The following ARRB1 variants were observed in gnomAD, a reference collection of about 807,000 sequenced individuals.
The protein encoded by ARRB1 is beta-arrestin-1.
A neutral mutation model predicts 56.8 loss-of-function variants in ARRB1; 21 were observed. The ratio of observed to expected loss-of-function variants is 0.37; its 90% CI spans 0.26 to 0.53. The LOEUF is 0.53. Ranked by LOEUF, ARRB1 falls within the 20% of genes least tolerant of loss-of-function variation. The probability of loss-of-function intolerance (pLI) is 0.88; values close to 1 mark genes in which losing one functional copy is unlikely to be tolerated. For synonymous variants in ARRB1, 210 were observed against 218.6 expected, an observed-to-expected ratio of 0.96 and a Z score of 0.35; for missense variants, 424 against 553.7, an observed-to-expected ratio of 0.77 and a Z score of 2.35.
intron 3 of ARRB1, among the ~76,000 whole-genome samples, chr11:75,285,479 A>G (rs532776189): frequency 1.3e-5 from 2 of 151,702 alleles, no homozygotes; most frequent in Non-Finnish European, 2.9e-5. Context: ...ACCCATTGTC[A>G]CTTCACTGCT....
At chr11:75,350,230 TG>T (rs1207946829) in intron 1 of ARRB1, among the ~76,000 whole-genome samples, 3 of 152,142 alleles carry the variant, frequency 2.0e-5, no homozygotes, top group Non-Finnish European at 4.4e-5. Context: ...CCCTGAAAGG[TG>T]GTGCCCACCG....
At chr11:75,306,030 G>A (rs975560316) in intron 1 of ARRB1, among the ~76,000 whole-genome samples, 4 of 151,710 alleles carry the variant, frequency 2.6e-5, no homozygotes, top group African/African-American at 9.7e-5. Flanking sequence ...ACCCTTCCCC[G>A]CACACCCCGA....
chr11:75,275,185 C>T (rs1341593784), intron 10 of ARRB1, among the ~76,000 whole-genome samples: 1 of 121,052 alleles, frequency 8.3e-6, no homozygotes, highest in East Asian at 2.2e-4. Context: ...CTTGCTCTGT[C>T]GCCCAGGCTA....
intron 1 of ARRB1, among the ~76,000 whole-genome samples, chr11:75,316,780 AT>A (rs1947272927): frequency 6.6e-6 from 1 of 152,068 alleles, no homozygotes; most frequent in Admixed American, 6.5e-5. Flanking sequence ...ATTAAAAAAA[AT>A]AATAGGCCAG....
chr11:75,312,159 C>T (rs1354992869), intron 1 of ARRB1: 30 of 1,288,668 alleles, frequency 2.3e-5, no homozygotes, highest in East Asian at 1.1e-4. Flanking sequence ...CCTCCACCCT[C>T]GCCCTCCCCG....
chr11:75,283,610 T>G, intron 4 of ARRB1, 127 bp from the exon 5 acceptor site: 2 of 883,398 alleles, frequency 2.3e-6, no homozygotes, highest in Non-Finnish European at 3.3e-6. Flanking sequence ...TCTGTGGGGA[T>G]GGCTGCACTG....
At chr11:75,309,981 G>A (rs1444306688) in intron 1 of ARRB1, among the ~76,000 whole-genome samples, 1 of 152,102 alleles carries the variant, frequency 6.6e-6, no homozygotes, top group African/African-American at 2.4e-5. Context: ...GCTTCAGGAG[G>A]GGTAGTAAGA....
At position 75,351,497 on chromosome 11, in the gene ARRB1, C is replaced by T; in HGVS notation, c.20+91G>A. 6 of 1,484,266 alleles carry T rather than the reference C, an allele frequency of 4.0e-6. No homozygotes were observed. In the South Asian group the frequency reaches 6.3e-5, roughly 15 times the overall value. The allele number at this position is 1,484,266 out of a possible 1,614,324, so 91.9% of individuals were successfully genotyped here. On this transcript the variant is annotated intron_variant, in intron 1 of 15. Transcript: ENST00000420843. ...TACTAGATCCCGCGGTGGCCGCGAA[C>T]GCAGAACCAGGACGCAATCGGAGCC...
At chr11:75,305,884 C>T (rs1947016700) in intron 1 of ARRB1, among the ~76,000 whole-genome samples, 2 of 152,134 alleles carry the variant, frequency 1.3e-5, no homozygotes, top group African/African-American at 4.8e-5. Flanking sequence ...AACATGCACC[C>T]CACAGTAGCC....
chr11:75,277,438 T>C lies in ARRB1; in HGVS notation c.629A>G (p.His210Arg), dbSNP rs1041304729. The C allele has an allele frequency of 6.2e-7, 1 of 1,614,120 alleles. No homozygotes were observed. Residue 210 changes from histidine (H) to arginine (R), a missense_variant, in exon 9 of 16, where the codon CAT becomes CGT. Around this residue, in one of 3 missense-constraint regions of ARRB1, gnomAD observed 301 missense variants for 387.9 expected, o/e 0.78. Coordinates refer to ENST00000420843, the MANE Select transcript of ARRB1 (RefSeq NM_004041.5). ...GACGTTGACGCTGATGGGTTCTCCA[T>C]GGTAATAGATCTGGGGGGCATAAGA... ...EASLDKEIYYHGEPISVNVHV... is the reference protein window; with the variant it reads ...EASLDKEIYYRGEPISVNVHV...
At chr11:75,306,786 C>G in intron 1 of ARRB1, 1 of 733,564 alleles carries the variant, frequency 1.4e-6, no homozygotes, top group Non-Finnish European at 1.9e-6. Context: ...TCTCCTCCTC[C>G]GGGCTTCTCG....
At chr11:75,293,645 C>G (rs1402484324) in intron 1 of ARRB1, among the ~76,000 whole-genome samples, 2 of 152,168 alleles carry the variant, frequency 1.3e-5, no homozygotes, top group African/African-American at 4.8e-5. Context: ...AAGAGAAATA[C>G]CAGCAGTGTT....
chr11:75,266,377 CG>C, intron 15 of ARRB1, 103 bp from the exon 16 acceptor site: 1 of 908,098 alleles, frequency 1.1e-6, no homozygotes, highest in Non-Finnish European at 1.8e-6. Context: ...GCTCTGGGGC[CG>C]GGGAGAACCA....
At chr11:75,343,321 G>A (rs1369135159) in intron 1 of ARRB1, among the ~76,000 whole-genome samples, 1 of 152,284 alleles carries the variant, frequency 6.6e-6, no homozygotes, top group East Asian at 1.9e-4. Flanking sequence ...GACAGCTGTT[G>A]TATGTGGTCA....
chr11:75,347,179 G>A (rs924700656), intron 1 of ARRB1, among the ~76,000 whole-genome samples: 1 of 152,278 alleles, frequency 6.6e-6, no homozygotes, highest in African/African-American at 2.4e-5. Flanking sequence ...GGAAGGAAGA[G>A]AGCAGTGGAG....
At chr11:75,282,169 G>T in intron 5 of ARRB1, 148 bp from the exon 6 acceptor site, 1 of 723,316 alleles carries the variant, frequency 1.4e-6, no homozygotes, top group Non-Finnish European at 2.3e-6. Context: ...GCCAAGCCAT[G>T]CCCCATCTAA....
chr11:75,311,847 C>T (rs977710094), intron 1 of ARRB1, among the ~76,000 whole-genome samples: 5 of 152,350 alleles, frequency 3.3e-5, no homozygotes, highest in Admixed American at 3.3e-4. Context: ...ACTTCGGCCC[C>T]TGCTGGCCTG....
At chr11:75,318,147 CTT>C (rs547084580) in intron 1 of ARRB1, among the ~76,000 whole-genome samples, 91 of 76,826 alleles carry the variant, frequency 1.2e-3, no homozygotes, top group African/African-American at 3.9e-3. Flanking sequence ...GCATTTCTAA[CTT>C]TTTTTTTTTT....
intron 1 of ARRB1, among the ~76,000 whole-genome samples, chr11:75,349,023 T>C (rs1947811321): frequency 6.6e-6 from 1 of 152,240 alleles, no homozygotes; most frequent in Non-Finnish European, 1.5e-5. Context: ...TTGCGATGAT[T>C]CCTGATGTTC....
Sources: allele counts gnomAD v4.1 joint callset (sites outside exome capture counted in the v4.1 genomes callset), GRCh38; gene constraint gnomAD v4.1.1; regional missense constraint gnomAD v4.1.1; transcripts MANE v1.5; gene names NCBI Gene and HGNC (gene_info 2026-07-23, HGNC 2026-07-21).